The following CCDC102B variants were observed in gnomAD, a reference collection of about 807,000 sequenced individuals.
The protein encoded by CCDC102B is coiled-coil domain containing 102B.
In CCDC102B, 75 loss-of-function variants were observed where a neutral mutation model predicts 57.4. The observed-to-expected ratio is 1.31, with a 90% CI of 1.08 to 1.58. The LOEUF (loss-of-function observed/expected upper bound fraction) is 1.58. Among genes scored for constraint, CCDC102B ranks in the 40% most tolerant of loss-of-function variants. CCDC102B has a pLI of 0.00. For synonymous variants in CCDC102B, 206 were observed against 201.9 expected (o/e 1.02, Z -0.17); for missense variants, 636 against 582.6 (o/e 1.09, Z -0.94).
intron 7 of CCDC102B, among the ~76,000 whole-genome samples, chr18:69,026,847 T>C (rs1371825743): frequency 6.6e-6 from 1 of 152,184 alleles, no homozygotes; most frequent in Non-Finnish European, 1.5e-5. Context: ...CAAGAACCTA[T>C]GTTCCTGGAA....
At chr18:68,857,161 TTTTTATATAATATATAA>T (rs1223001231) in intron 4 of CCDC102B, among the ~76,000 whole-genome samples, 1 of 38,604 alleles carries the variant, frequency 2.6e-5, no homozygotes, top group African/African-American at 1.3e-4. Context: ...TATTTATATA[TTTTTATATAATATATAA>T]AAATATATTT....
chr18:68,984,633 A>C (rs965976934), intron 6 of CCDC102B, among the ~76,000 whole-genome samples: 2 of 152,142 alleles, frequency 1.3e-5, no homozygotes, highest in Non-Finnish European at 2.9e-5. Context: ...AGGTACAGAG[A>C]TAAATTTATT....
chr18:68,997,157 A>G (rs923728572), intron 6 of CCDC102B, among the ~76,000 whole-genome samples: 2 of 152,156 alleles, frequency 1.3e-5, no homozygotes, highest in Admixed American at 6.5e-5. Context: ...CTCCCCAGCC[A>G]TGCTGAATTG....
intron 6 of CCDC102B, among the ~76,000 whole-genome samples, chr18:68,982,746 T>C (rs1380562659): frequency 6.6e-6 from 1 of 151,968 alleles, no homozygotes; most frequent in African/African-American, 2.4e-5. Context: ...CATTAGAATA[T>C]GTATCTTTTC....
chr18:68,869,730 A>C (rs1158210874), intron 4 of CCDC102B, among the ~76,000 whole-genome samples: 1 of 152,100 alleles, frequency 6.6e-6, no homozygotes, highest in African/African-American at 2.4e-5. Context: ...GTTTAATTAG[A>C]TCCCATTTGT....
At chr18:68,748,955 A>G (rs533126621) in intron 2 of CCDC102B, among the ~76,000 whole-genome samples, 1 of 152,316 alleles carries the variant, frequency 6.6e-6, no homozygotes, top group Admixed American at 6.5e-5. Flanking sequence ...TTCTTGTGTA[A>G]GGTGTAAGGA....
At chr18:68,731,122 G>A (rs2032841614) in intron 2 of CCDC102B, among the ~76,000 whole-genome samples, 1 of 152,090 alleles carries the variant, frequency 6.6e-6, no homozygotes. Flanking sequence ...AAGTAGCTAG[G>A]ACTACAGACA....
At chr18:68,748,032 T>C (rs924618315) in intron 2 of CCDC102B, among the ~76,000 whole-genome samples, 6 of 152,184 alleles carry the variant, frequency 3.9e-5, no homozygotes, top group African/African-American at 1.4e-4. Context: ...ATGCTTGTTA[T>C]CTTTTCTGCT....
chr18:68,733,022 T>G (rs2032954298), intron 2 of CCDC102B, among the ~76,000 whole-genome samples: 1 of 152,112 alleles, frequency 6.6e-6, no homozygotes, highest in African/African-American at 2.4e-5. Flanking sequence ...TGGGGAAGGT[T>G]ATGCTAAGGC....
chr18:68,931,630 G>A (rs187042345), intron 6 of CCDC102B, among the ~76,000 whole-genome samples: 2 of 151,904 alleles, frequency 1.3e-5, no homozygotes, highest in Admixed American at 6.6e-5. Context: ...GTCTAAAAAG[G>A]CTCCTTGGGA....
At position 68,968,300 on chromosome 18, in the gene CCDC102B, G is replaced by A. The variant is rs547034344; in HGVS notation, c.1264-42634G>A. ...AAGCACTGGTTTTTTCCATTCAGTT[G>A]TAGGCAATACTGAGCTTCTCTGACG... On this transcript the variant is annotated intron_variant, in intron 6 of 7. Transcript: ENST00000360242. Among the ~76,000 whole-genome samples the A allele has an allele frequency of 5.9e-5, 9 of 152,094 alleles. No individual in the cohort carries two copies. The East Asian group carries it at 9.7e-4, about 16-fold the overall frequency.
At chr18:68,790,049 G>A (rs2035373635) in intron 2 of CCDC102B, among the ~76,000 whole-genome samples, 1 of 147,230 alleles carries the variant, frequency 6.8e-6, no homozygotes, top group Admixed American at 6.7e-5. Context: ...CCTTCTAACA[G>A]ACAGGACCCT....
At chr18:68,947,595 T>C (rs1416708661) in intron 6 of CCDC102B, among the ~76,000 whole-genome samples, 2 of 152,114 alleles carry the variant, frequency 1.3e-5, no homozygotes, top group African/African-American at 4.8e-5. Flanking sequence ...AAGTTAAATG[T>C]GATGTACTTT....
chr18:69,028,638 C>T (rs1311979231), intron 7 of CCDC102B, among the ~76,000 whole-genome samples: 1 of 152,040 alleles, frequency 6.6e-6, no homozygotes, highest in Non-Finnish European at 1.5e-5. Context: ...CTTTGACACA[C>T]ACACACACAC....
intron 6 of CCDC102B, among the ~76,000 whole-genome samples, chr18:68,994,279 G>T (rs1467415806): frequency 4.6e-5 from 7 of 152,186 alleles, no homozygotes; most frequent in Non-Finnish European, 8.8e-5. Flanking sequence ...GAAGTATACA[G>T]TGAAGTTTGT....
intron 6 of CCDC102B, among the ~76,000 whole-genome samples, chr18:68,996,687 A>G (rs528184886): frequency 6.6e-6 from 1 of 152,242 alleles, no homozygotes; most frequent in Non-Finnish European, 1.5e-5. Flanking sequence ...GTATCTAGGA[A>G]GTTACTAAAT....
At chr18:68,875,267 GCCA>G (rs758940219) in intron 5 of CCDC102B, among the ~76,000 whole-genome samples, 232 of 152,168 alleles carry the variant, frequency 1.5e-3, no homozygotes, top group Non-Finnish European at 2.8e-3. Context: ...TTCCACTCCT[GCCA>G]CCACCAACAA....
At chr18:68,920,458 A>G (rs2041238479) in intron 6 of CCDC102B, among the ~76,000 whole-genome samples, 1 of 152,086 alleles carries the variant, frequency 6.6e-6, no homozygotes, top group African/African-American at 2.4e-5. Flanking sequence ...GTATTAGTCC[A>G]TTTTCACACT....
chr18:68,733,478 T>TTATATATATATATATATATATATA (rs1301629816), intron 2 of CCDC102B, among the ~76,000 whole-genome samples: 1 of 25,142 alleles, frequency 4.0e-5, no homozygotes, highest in African/African-American at 1.6e-4. Context: ...TTAGACAACT[T>TTATATATATATATATATATATATA]TATATATATA....
Sources: allele counts gnomAD v4.1 joint callset (sites outside exome capture counted in the v4.1 genomes callset), GRCh38; gene constraint gnomAD v4.1.1; transcripts MANE v1.5; gene names NCBI Gene and HGNC (gene_info 2026-07-23, HGNC 2026-07-21).